DBNDD1: variants seen among roughly 807,000 people sequenced by gnomAD.
DBNDD1 encodes dysbindin domain containing 1, also known as dysbindin domain-containing protein 1.
A neutral mutation model predicts 17.0 loss-of-function variants in DBNDD1; 14 were observed. The observed-to-expected ratio is 0.82, with a 90% confidence interval of 0.54 to 1.29. The LOEUF is 1.29. DBNDD1 is among the 50% of genes most tolerant of loss of function. DBNDD1 has a pLI of 0.00. For synonymous variants in DBNDD1, 105 were observed against 102.0 expected (o/e 1.03, Z -0.18); for missense variants, 221 against 216.2 (o/e 1.02, Z -0.14).
rs2035718255 is a variant in DBNDD1, at chr16:90,019,225, G to C, written c.31+86C>G. 3 of 681,862 alleles carry C rather than the reference G, an allele frequency of 4.4e-6. No individual in the cohort carries two copies. The highest frequency in any genetic ancestry group is 1.9e-5 in the African/African-American group (1 of 53,260). The allele number at this position is 681,862 out of a possible 1,614,324, so 42.2% of individuals were successfully genotyped here. On this transcript the variant is annotated intron_variant, in intron 1 of 3. Coordinates refer to ENST00000002501, the MANE Select transcript of DBNDD1 (RefSeq NM_001042610.3). The surrounding 1 kb of genome is among the most constrained non-coding windows in gnomAD (Gnocchi z 6.1). ...GGGGTCTTCGCGACTCCCGGGAGCG[G>C]CGAAGGGTGAGCCCTGGGGGGAGGG...
intron 1 of DBNDD1, among the ~76,000 whole-genome samples, chr16:90,016,562 C>T (rs7500224): frequency 0.13 from 19,358 of 152,170 alleles, 2,259 homozygotes; most frequent in East Asian, 0.62. Context: ...AAGGGGGACC[C>T]AACCCCCCTG....
intron 1 of DBNDD1, chr16:90,010,086 C>T (rs761084917): frequency 6.2e-7 from 1 of 1,601,756 alleles, no homozygotes; most frequent in Non-Finnish European, 8.5e-7. Flanking sequence ...CGCTCTGTCA[C>T]CCAGGCTGGA....
Position 90,009,399 on chromosome 16 carries a change from A to G in DBNDD1, c.63T>C (p.Ala21=). 6.2e-7 allele frequency: 1 copy of G among 1,612,772 alleles called. No individual in the cohort carries two copies. The highest frequency in any genetic ancestry group is 1.1e-5 in the South Asian group (1 of 91,088). ...TCCCCTGGGCTGGGACGCCCAGCGCAGCCTGCGGCACCTCAGCCTCCTTAA... is the reference window on the plus strand; with the variant it reads ...TCCCCTGGGCTGGGACGCCCAGCGCGGCCTGCGGCACCTCAGCCTCCTTAA... ...EIVKEAEVPQ[A]ALGVPAQGTG... The change falls in exon 2 of 4, where the codon GCT becomes GCC. Residue 21 remains alanine (A), a synonymous_variant. Transcript: ENST00000002501.
chr16:90,010,935 T>TC (rs149440033), intron 1 of DBNDD1, among the ~76,000 whole-genome samples: 16,595 of 152,168 alleles, frequency 0.11, 1,372 homozygotes, highest in African/African-American at 0.22. Context: ...CTGGCTTCCT[T>TC]CCCCCCACCC....
rs2035719706 is a variant in DBNDD1, at chr16:90,019,246, G to T, written c.31+65C>A. On this transcript the variant is annotated intron_variant, in intron 1 of 3. Coordinates refer to ENST00000002501, the MANE Select transcript of DBNDD1 (RefSeq NM_001042610.3). This position sits in a 1 kb window ranked among gnomAD's most constrained non-coding sequence, Gnocchi z 6.1. ...AGCGGCGAAGGGTGAGCCCTGGGGG[G>T]AGGGGCTGCGGCTCGCTGCGGGGAA... The T allele has an allele frequency of 2.4e-6, 2 of 844,680 alleles. No individual in the cohort carries two copies. Among genetic ancestry groups the T allele is most frequent in the Non-Finnish European group, 3.1e-6 (2 of 638,408 alleles). The allele number at this position is 844,680 out of a possible 1,614,324, so 52.3% of individuals were successfully genotyped here.
intron 1 of DBNDD1, among the ~76,000 whole-genome samples, chr16:90,013,492 C>A (rs758422920): frequency 1.4e-4 from 22 of 152,258 alleles, no homozygotes; most frequent in Non-Finnish European, 2.9e-4. Flanking sequence ...TCTCAGCCAT[C>A]ACCTGTCAGC....
chr16:90,008,935 A>AGG lies in DBNDD1; in HGVS notation c.179-13_179-12dup, dbSNP rs1352262212. 1.9e-6 allele frequency: 3 copies of AGG among 1,545,078 alleles called. No individual in the cohort carries two copies. Among genetic ancestry groups the AGG allele is most frequent in the African/African-American group, 1.4e-5 (1 of 73,546 alleles). ...CGCTGCTCAGAGGCTCTGAGGGCAG[A>AGG]GGGGGTACAGTCAGCCCTCAGGCCC... On this transcript the variant is annotated splice_polypyrimidine_tract_variant and intron_variant, in intron 2 of 3. Transcript: ENST00000002501.
At chr16:90,016,692 G>A (rs1484687127) in intron 1 of DBNDD1, among the ~76,000 whole-genome samples, 3 of 152,170 alleles carry the variant, frequency 2.0e-5, no homozygotes, top group African/African-American at 7.2e-5. Context: ...GATTGCTGAT[G>A]CCCTGTGCTC....
chr16:90,009,003 G>C, intron 2 of DBNDD1, 79 bp from the exon 3 acceptor site: 3 of 1,456,576 alleles, frequency 2.1e-6, no homozygotes, highest in South Asian at 2.8e-5. Flanking sequence ...AGGAGAGAGT[G>C]TGCTGTGTCC....
At chr16:90,013,019 C>T (rs1252833152) in intron 1 of DBNDD1, among the ~76,000 whole-genome samples, 4 of 151,840 alleles carry the variant, frequency 2.6e-5, no homozygotes, top group Non-Finnish European at 5.9e-5. Context: ...CTGGCAGCCC[C>T]CTAATATCAA....
chr16:90,009,597 C>T, intron 1 of DBNDD1, 167 bp from the exon 2 acceptor site: 1 of 1,056,450 alleles, frequency 9.5e-7, no homozygotes, highest in Non-Finnish European at 1.4e-6. Flanking sequence ...TGGACCCAGA[C>T]AAGGGGTTGA....
intron 1 of DBNDD1, chr16:90,009,642 C>G (rs1171009192): frequency 5.8e-6 from 4 of 685,102 alleles, no homozygotes; most frequent in Non-Finnish European, 9.6e-6. Flanking sequence ...CCCCTTGGGC[C>G]CTGGCCTCCC....
At position 90,009,327 on chromosome 16, in the gene DBNDD1, G is replaced by C. The variant is rs1333219574; in HGVS notation, c.135C>G (p.Ile45Met). ...GCAGGAGCCCCGGTGCTGGTACTGG[G>C]ATGCCCCCGACCTCCTCCTCCACAG... ...HTPVEEEVGGIPVPAPGLLQV... is the reference protein window; with the variant it reads ...HTPVEEEVGGMPVPAPGLLQV... Residue 45 changes from isoleucine (I) to methionine (M), a missense_variant, in exon 2 of 4, where the codon ATC (isoleucine) becomes ATG (methionine). Ile to Met is a conservative substitution (Grantham distance 10, BLOSUM62 1). Coordinates refer to ENST00000002501, the MANE Select transcript of DBNDD1 (RefSeq NM_001042610.3). The C allele has an allele frequency of 6.2e-7, 1 of 1,613,544 alleles. No individual in the cohort carries two copies. Among genetic ancestry groups the C allele is most frequent in the South Asian group, 1.1e-5 (1 of 91,078 alleles).
intron 1 of DBNDD1, among the ~76,000 whole-genome samples, chr16:90,016,141 G>C (rs1046447947): frequency 2.0e-5 from 3 of 152,162 alleles, no homozygotes; most frequent in Non-Finnish European, 4.4e-5. Flanking sequence ...CACAGCCCCA[G>C]AGCAGGCTGG....
rs1186708345 is a variant in DBNDD1, at chr16:90,009,387, G to C, written c.75C>G (p.Val25=). 1 of 1,613,056 alleles carries C rather than the reference G, an allele frequency of 6.2e-7. No individual in the cohort carries two copies. The highest frequency in any genetic ancestry group is 8.5e-7 in the Non-Finnish European group (1 of 1,180,010). ...EAEVPQAALG[V]PAQGTGDNGH... Reference sequence around the variant, plus strand: ...CATTGTCCCCTGTCCCCTGGGCTGGGACGCCCAGCGCAGCCTGCGGCACCT... The same window carrying C: ...CATTGTCCCCTGTCCCCTGGGCTGGCACGCCCAGCGCAGCCTGCGGCACCT... The change falls in exon 2 of 4, where the codon GTC becomes GTG. Residue 25 remains valine, a synonymous_variant. Coordinates refer to ENST00000002501, the MANE Select transcript of DBNDD1 (RefSeq NM_001042610.3).
chr16:90,008,072 G>T (rs112359159), intron 3 of DBNDD1, among the ~76,000 whole-genome samples: 7 of 101,046 alleles, frequency 6.9e-5, no homozygotes, highest in Non-Finnish European at 7.7e-5. Context: ...CTCCCAGGAC[G>T]TCCCAAGGGG....
Position 90,009,334 on chromosome 16 carries a change from C to G in DBNDD1, c.128G>C (p.Gly43Ala). ...CCCCGGTGCTGGTACTGGGATGCCC[C>G]CGACCTCCTCCTCCACAGGCGTGTG... ...NGHTPVEEEV[G>A]GIPVPAPGLL... The change falls in exon 2 of 4, where the codon GGG becomes GCG. Residue 43 changes from glycine to alanine, a missense_variant. Transcript: ENST00000002501. The G allele has an allele frequency of 6.2e-7, 1 of 1,613,552 alleles. No homozygotes were observed. Among genetic ancestry groups the G allele is most frequent in the Non-Finnish European group, 8.5e-7 (1 of 1,180,000 alleles).
intron 1 of DBNDD1, among the ~76,000 whole-genome samples, chr16:90,013,900 T>C (rs1597582656): frequency 6.2e-5 from 1 of 16,180 alleles, no homozygotes; most frequent in Non-Finnish European, 1.2e-4. Context: ...AGCCTGGAGG[T>C]GGGAGGGAGC....
chr16:90,009,652 C>A, intron 1 of DBNDD1: 1 of 665,178 alleles, frequency 1.5e-6, no homozygotes, highest in Non-Finnish European at 2.5e-6. Flanking sequence ...CCTGGCCTCC[C>A]CTAGTGAACA....
Sources: gnomAD v4.1 joint callset for allele counts (sites outside exome capture counted in the v4.1 genomes callset) on GRCh38, gnomAD v4.1.1 for gene constraint, Gnocchi (gnomAD v3.1) non-coding constraint, MANE v1.5 for transcripts, NCBI Gene and HGNC (gene_info 2026-07-23, HGNC 2026-07-21) for gene names.